Variants in IPO11 observed in about 807,000 individuals in gnomAD.
IPO11 encodes the protein importin-11.
A neutral mutation model predicts 143.2 loss-of-function variants in IPO11; 66 were observed. The ratio of observed to expected loss-of-function variants is 0.46; its 90% CI spans 0.38 to 0.57. The LOEUF (loss-of-function observed/expected upper bound fraction) is 0.57, where lower values mean the gene tolerates loss of function less well. Among genes scored for constraint, IPO11 ranks in the 20% least tolerant of loss-of-function variants. The pLI is 0.00. For missense variants in IPO11, 1,026 were observed against 1,141.0 expected, an observed-to-expected ratio of 0.90 and a Z score of 1.45; for synonymous variants, 385 against 377.8, an observed-to-expected ratio of 1.02 and a Z score of -0.22.
intron 24 of IPO11, among the ~76,000 whole-genome samples, chr5:62,546,787 AGAAAT>A (rs1380390352): frequency 6.6e-6 from 1 of 152,198 alleles, no homozygotes; most frequent in Non-Finnish European, 1.5e-5. Flanking sequence ...TCCATTAAAA[AGAAAT>A]GAAGAAAATC....
At chr5:62,602,477 C>A (rs908954480) in intron 29 of IPO11, among the ~76,000 whole-genome samples, 1 of 151,924 alleles carries the variant, frequency 6.6e-6, no homozygotes, top group Non-Finnish European at 1.5e-5. Flanking sequence ...TGTCTTCTGG[C>A]CTCATCATTT....
chr5:62,467,138 C>T lies in IPO11; in HGVS notation c.524C>T (p.Ser175Phe). Residue 175 changes from serine to phenylalanine, a missense_variant, in exon 6 of 30, where the codon TCT becomes TTT. Around this residue, in one of 5 missense-constraint regions of IPO11, gnomAD observed 429 missense variants for 456.3 expected, o/e 0.94. Transcript: ENST00000325324. ...GTTGCCTTTTCTTTGCAGTTAGCTT[C>T]TGGAATTTATAATTTTGCCTGCTCT... is the stretch of plus-strand genomic sequence containing the variant. ...ADRKLFYDLASGIYNFACSLW... is the reference protein window; with the variant it reads ...ADRKLFYDLAFGIYNFACSLW... 1.2e-6 allele frequency: 2 copies of T among 1,607,924 alleles called. No individual in the cohort carries two copies.
chr5:62,494,157 T>A (rs1264498170), intron 16 of IPO11, 33 bp downstream of exon 16: 7 of 1,576,264 alleles, frequency 4.4e-6, no homozygotes, highest in African/African-American at 1.4e-5. Context: ...AAGAGTTAGT[T>A]TTTAAAGTTT....
chr5:62,561,738 A>G (rs184542097), intron 27 of IPO11: 1 of 152,250 alleles, frequency 6.6e-6, no homozygotes, highest in East Asian at 1.9e-4. Flanking sequence ...TCACTCCCAT[A>G]AAGCAAATAC....
At chr5:62,482,452 C>T (rs1254412436) in intron 9 of IPO11, among the ~76,000 whole-genome samples, 1 of 152,168 alleles carries the variant, frequency 6.6e-6, no homozygotes, top group Non-Finnish European at 1.5e-5. Context: ...CTACACACTG[C>T]TTTAAATGTG....
At chr5:62,472,814 C>G (rs895368958) in intron 7 of IPO11, among the ~76,000 whole-genome samples, 2 of 152,110 alleles carry the variant, frequency 1.3e-5, no homozygotes, top group South Asian at 4.1e-4. Context: ...CAGGCGTGAG[C>G]CACCACACTT....
intron 24 of IPO11, among the ~76,000 whole-genome samples, chr5:62,539,000 CTG>C (rs1247261385): frequency 6.6e-6 from 1 of 152,036 alleles, no homozygotes; most frequent in East Asian, 1.9e-4. Context: ...ATTTTTGTGT[CTG>C]TAAATTGGAA....
intron 15 of IPO11, among the ~76,000 whole-genome samples, chr5:62,490,946 A>T (rs748104037): frequency 5.9e-5 from 9 of 152,162 alleles, no homozygotes; most frequent in Non-Finnish European, 1.2e-4. Context: ...TTTTATATAC[A>T]TTTAAGCACT....
chr5:62,577,542 T>C (rs1580343590), intron 27 of IPO11, among the ~76,000 whole-genome samples: 1 of 152,258 alleles, frequency 6.6e-6, no homozygotes, highest in South Asian at 2.1e-4. Context: ...TTGGAAGTAC[T>C]AAACAAAATG....
chr5:62,431,026 T>G (rs1486082190), intron 1 of IPO11, among the ~76,000 whole-genome samples: 1 of 152,016 alleles, frequency 6.6e-6, no homozygotes, highest in Non-Finnish European at 1.5e-5. Flanking sequence ...TCACCCAGGC[T>G]GCAGTGCAGT....
Position 62,627,417 on chromosome 5 carries a change from C to T in IPO11, c.*99C>T. 8.8e-7 allele frequency: 1 copy of T among 1,137,108 alleles called. No homozygotes were observed. Among genetic ancestry groups the T allele is most frequent in the Non-Finnish European group, 1.2e-6 (1 of 809,386 alleles). 70.4% of individuals were successfully genotyped at this position (1,137,108 alleles called of 1,614,324 possible). On this transcript the variant is annotated 3_prime_UTR_variant, in exon 30 of 30. Transcript: ENST00000325324. ...GCCTGCTGAGATGAAGAAATCACTT[C>T]ATGAAAATAAGCAAAGACCACACAT... is the stretch of plus-strand genomic sequence containing the variant.
chr5:62,436,971 T>G (rs1744267158), intron 1 of IPO11, among the ~76,000 whole-genome samples: 1 of 152,234 alleles, frequency 6.6e-6, no homozygotes. Flanking sequence ...TGGTACTTAC[T>G]CAGAATTTAG....
At chr5:62,544,874 G>A (rs1012378851) in intron 24 of IPO11, among the ~76,000 whole-genome samples, 8 of 152,098 alleles carry the variant, frequency 5.3e-5, no homozygotes, top group Non-Finnish European at 1.0e-4. Flanking sequence ...AAAATACCTA[G>A]GAATCCAACT....
In IPO11 at chr5:62,605,224, G is replaced by T. The variant is rs189964083; in HGVS notation, c.2763+3376G>T. Among the ~76,000 whole-genome samples, 226 of 152,308 alleles carry T rather than the reference G, an allele frequency of 1.5e-3. 1 individual carries two copies. Among genetic ancestry groups the T allele is most frequent in the Non-Finnish European group, 2.1e-3 (146 of 68,032 alleles). ...GTCTTAAAGTAGTCCATAAAATGTG[G>T]TGTCTGTGTTTCAGCAGCTGCTTTG... On this transcript the variant is annotated intron_variant, in intron 29 of 29. Transcript: ENST00000325324.
chr5:62,580,779 T>C (rs1744522351), intron 27 of IPO11: 1 of 1,551,506 alleles, frequency 6.4e-7, no homozygotes, highest in Non-Finnish European at 8.7e-7. Context: ...TGGAAAATAC[T>C]GAGACTGAGA....
intron 13 of IPO11, 26 bp downstream of exon 13, chr5:62,487,887 T>A: frequency 6.4e-7 from 1 of 1,571,694 alleles, no homozygotes. Flanking sequence ...TGATTAACTT[T>A]GAGTTAATCT....
chr5:62,476,796 A>G, intron 9 of IPO11, 43 bp downstream of exon 9: 1 of 1,435,542 alleles, frequency 7.0e-7, no homozygotes, highest in Non-Finnish European at 9.3e-7. Context: ...TAATACACAT[A>G]TTCAGATTTA....
intron 24 of IPO11, among the ~76,000 whole-genome samples, chr5:62,540,696 C>G: frequency 6.6e-6 from 1 of 152,214 alleles, no homozygotes; most frequent in South Asian, 2.1e-4. Flanking sequence ...CATTTTCCAT[C>G]TGTAACATGG....
chr5:62,515,249 G>T (rs986791308), intron 19 of IPO11, 139 bp from the exon 20 acceptor site: 6 of 460,902 alleles, frequency 1.3e-5, no homozygotes, highest in East Asian at 3.4e-5. Flanking sequence ...TTTCTTAAGG[G>T]TATAAGCTTA....
Sources: gnomAD v4.1 joint callset for allele counts (sites outside exome capture counted in the v4.1 genomes callset) on GRCh38, gnomAD v4.1.1 for gene constraint, gnomAD v4.1.1 regional missense constraint, MANE v1.5 for transcripts, NCBI Gene and HGNC (gene_info 2026-07-23, HGNC 2026-07-21) for gene names.